Variants in LHFPL3 observed in about 807,000 individuals in gnomAD.
The protein encoded by LHFPL3 is LHFPL tetraspan subfamily member 3.
A neutral mutation model predicts 19.3 loss-of-function variants in LHFPL3; 5 were observed. The observed-to-expected ratio is 0.26, with a 90% CI of 0.14 to 0.54. LHFPL3 has a LOEUF of 0.54. Ranked by LOEUF, LHFPL3 falls within the 20% of genes least tolerant of loss-of-function variation. The pLI is 0.94. For missense variants in LHFPL3, 249 were observed against 307.4 expected, an observed-to-expected ratio of 0.81 and a Z score of 1.42; for synonymous variants, 133 against 126.2, an observed-to-expected ratio of 1.05 and a Z score of -0.36.
At chr7:104,554,640 CAGATAGATAGATAGAT>C (rs55796324) in intron 1 of LHFPL3, among the ~76,000 whole-genome samples, 3,274 of 143,960 alleles carry the variant, frequency 0.023, 48 homozygotes, top group Non-Finnish European at 0.032. Flanking sequence ...ATTAGATAGA[CAGATAGATAGATAGAT>C]AGATAGATAG....
chr7:104,795,219 C>A (rs1790099512), intron 2 of LHFPL3, among the ~76,000 whole-genome samples: 1 of 152,156 alleles, frequency 6.6e-6, no homozygotes, highest in Non-Finnish European at 1.5e-5. Context: ...ATTATTTGGT[C>A]TTCCAGCAAA....
chr7:104,653,688 A>T (rs1283076066), intron 1 of LHFPL3, among the ~76,000 whole-genome samples: 1 of 152,218 alleles, frequency 6.6e-6, no homozygotes, highest in Non-Finnish European at 1.5e-5. Context: ...CCATGTGTAC[A>T]GGTCACCCTT....
intron 1 of LHFPL3, among the ~76,000 whole-genome samples, chr7:104,648,721 T>A (rs1323041754): frequency 2.0e-5 from 3 of 152,196 alleles, no homozygotes; most frequent in East Asian, 3.8e-4. Flanking sequence ...GTTAAGCCCA[T>A]ATAAATCCTC....
At chr7:104,698,507 C>T (rs1584486102) in intron 1 of LHFPL3, among the ~76,000 whole-genome samples, 1 of 152,158 alleles carries the variant, frequency 6.6e-6, no homozygotes, top group Non-Finnish European at 1.5e-5. Flanking sequence ...CATCAAACGG[C>T]ACTGTCAACA....
At chr7:104,338,326 C>A (rs2116360371) in intron 1 of LHFPL3, among the ~76,000 whole-genome samples, 1 of 152,126 alleles carries the variant, frequency 6.6e-6, no homozygotes, top group African/African-American at 2.4e-5. Flanking sequence ...GTCTCGATCT[C>A]CTGACCTCGT....
intron 1 of LHFPL3, among the ~76,000 whole-genome samples, chr7:104,453,599 G>A (rs1792485137): frequency 6.6e-6 from 1 of 152,138 alleles, no homozygotes; most frequent in South Asian, 2.1e-4. Context: ...TGATGGCCAG[G>A]AAGAAACCTG....
At chr7:104,837,613 C>A (rs905813831) in intron 2 of LHFPL3, among the ~76,000 whole-genome samples, 1 of 152,104 alleles carries the variant, frequency 6.6e-6, no homozygotes, top group African/African-American at 2.4e-5. Flanking sequence ...AAAGCACCAA[C>A]TTTATTTTTT....
At chr7:104,471,039 A>G (rs1792897789) in intron 1 of LHFPL3, among the ~76,000 whole-genome samples, 1 of 152,172 alleles carries the variant, frequency 6.6e-6, no homozygotes, top group South Asian at 2.1e-4. Flanking sequence ...TTTTCTACCA[A>G]GACATCCTTG....
intron 1 of LHFPL3, among the ~76,000 whole-genome samples, chr7:104,684,386 C>A (rs541932928): frequency 1.3e-5 from 2 of 152,344 alleles, no homozygotes; most frequent in East Asian, 3.9e-4. Context: ...ACAGGCACTA[C>A]TGGTAGATGA....
At chr7:104,879,648 C>T (rs764266869) in intron 2 of LHFPL3, among the ~76,000 whole-genome samples, 21 of 152,110 alleles carry the variant, frequency 1.4e-4, no homozygotes, top group African/African-American at 2.2e-4. Context: ...TTACTTAAGC[C>T]CAGGAGATCG....
At chr7:104,343,745 G>GTA (rs1053355576) in intron 1 of LHFPL3, among the ~76,000 whole-genome samples, 5 of 151,646 alleles carry the variant, frequency 3.3e-5, no homozygotes, top group South Asian at 4.2e-4. Context: ...GTGTGTGTGT[G>GTA]TGTGGTTTAC....
At chr7:104,402,652 C>T (rs1338971122) in intron 1 of LHFPL3, among the ~76,000 whole-genome samples, 2 of 152,192 alleles carry the variant, frequency 1.3e-5, no homozygotes, top group Non-Finnish European at 2.9e-5. Flanking sequence ...TGGGGTGACC[C>T]AAGAGCCACC....
At chr7:104,649,002 C>G (rs893943858) in intron 1 of LHFPL3, among the ~76,000 whole-genome samples, 2 of 152,226 alleles carry the variant, frequency 1.3e-5, no homozygotes, top group African/African-American at 4.8e-5. Context: ...TTCTTCCCCT[C>G]CTATTTTCCT....
At chr7:104,464,413 G>C (rs1172850932) in intron 1 of LHFPL3, among the ~76,000 whole-genome samples, 2 of 152,196 alleles carry the variant, frequency 1.3e-5, no homozygotes, top group African/African-American at 2.4e-5. Context: ...CCACTATGCA[G>C]TTCTCCAGTG....
At chr7:104,761,241 C>G (rs1794366791) in intron 2 of LHFPL3, among the ~76,000 whole-genome samples, 2 of 152,078 alleles carry the variant, frequency 1.3e-5, no homozygotes, top group Admixed American at 6.6e-5. Context: ...ATAATAGATG[C>G]CTGAAGCCTG....
intron 1 of LHFPL3, among the ~76,000 whole-genome samples, chr7:104,593,818 C>T (rs768669633): frequency 3.9e-5 from 6 of 152,044 alleles, no homozygotes; most frequent in Admixed American, 6.6e-5. Flanking sequence ...TCTTTTGAAC[C>T]AACAAAGTTG....
At chr7:104,520,074 G>A (rs1390965263) in intron 1 of LHFPL3, among the ~76,000 whole-genome samples, 1 of 151,558 alleles carries the variant, frequency 6.6e-6, no homozygotes, top group Admixed American at 6.6e-5. Context: ...TATGATATTG[G>A]CTGTGGGTTT....
At chr7:104,553,587 A>AT (rs1324271758) in intron 1 of LHFPL3, among the ~76,000 whole-genome samples, 1 of 152,156 alleles carries the variant, frequency 6.6e-6, no homozygotes, top group Admixed American at 6.6e-5. Context: ...TCTAAAATGC[A>AT]AGCAGTTTAA....
intron 2 of LHFPL3, among the ~76,000 whole-genome samples, chr7:104,894,027 G>A (rs905304861): frequency 1.3e-5 from 2 of 151,940 alleles, no homozygotes; most frequent in African/African-American, 4.8e-5. Flanking sequence ...GTCTCCATCT[G>A]TGCACAGCAG....
Sources: gnomAD v4.1 joint callset for allele counts (sites outside exome capture counted in the v4.1 genomes callset) on GRCh38, gnomAD v4.1.1 for gene constraint, MANE v1.5 for transcripts, NCBI Gene and HGNC (gene_info 2026-07-23, HGNC 2026-07-21) for gene names.